The following SCLT1 variants were observed in gnomAD, a reference collection of about 807,000 sequenced individuals.
SCLT1 encodes the protein sodium channel-associated protein 1.
A neutral mutation model predicts 112.8 loss-of-function variants in SCLT1; 78 were observed. That is an observed-to-expected ratio of 0.69 (90% CI 0.58 to 0.83). The LOEUF is 0.83. SCLT1 is among the 40% of genes least tolerant of loss of function. The pLI is 0.00. For synonymous variants in SCLT1, 257 were observed against 254.7 expected (o/e 1.01, Z -0.09); for missense variants, 747 against 770.4 (o/e 0.97, Z 0.36).
chr4:129,036,402 T>C (rs1747184486), intron 5 of SCLT1, among the ~76,000 whole-genome samples: 1 of 152,072 alleles, frequency 6.6e-6, no homozygotes, highest in South Asian at 2.1e-4. Context: ...ACCTTGTCTA[T>C]TCTCAGCACA....
intron 8 of SCLT1, among the ~76,000 whole-genome samples, chr4:128,993,113 C>T (rs280601): frequency 0.53 from 80,349 of 151,710 alleles, 24,348 homozygotes; most frequent in South Asian, 0.68. Flanking sequence ...AACATACTAT[C>T]GTATTTTCCT....
At chr4:129,062,893 C>A (rs528715707) in intron 2 of SCLT1, among the ~76,000 whole-genome samples, 1 of 152,132 alleles carries the variant, frequency 6.6e-6, no homozygotes, top group African/African-American at 2.4e-5. Flanking sequence ...TGTTTGGGAA[C>A]CCTTGGGTCT....
chr4:128,920,135 G>A (rs1735772437), intron 18 of SCLT1, among the ~76,000 whole-genome samples: 2 of 152,130 alleles, frequency 1.3e-5, no homozygotes, highest in Admixed American at 6.5e-5. Flanking sequence ...GATCATAGAT[G>A]CAAAAGTCCT....
At chr4:129,019,008 T>C (rs544627023) in intron 5 of SCLT1, among the ~76,000 whole-genome samples, 28 of 152,324 alleles carry the variant, frequency 1.8e-4, no homozygotes, top group Middle Eastern at 3.4e-3. Flanking sequence ...ATAGCTATGC[T>C]TTTATAGTTA....
At chr4:128,878,336 A>G (rs1410397532) in intron 3 of SCLT1, among the ~76,000 whole-genome samples, 1 of 152,150 alleles carries the variant, frequency 6.6e-6, no homozygotes, top group East Asian at 1.9e-4. Flanking sequence ...GGTTAATGTG[A>G]TTATTTTACT....
intron 2 of SCLT1, among the ~76,000 whole-genome samples, chr4:129,067,270 A>G (rs958907092): frequency 6.6e-6 from 1 of 152,016 alleles, no homozygotes; most frequent in African/African-American, 2.4e-5. Flanking sequence ...GGCTAACCCA[A>G]TGTATATATT....
intron 18 of SCLT1, among the ~76,000 whole-genome samples, chr4:128,921,054 C>T (rs1389590579): frequency 1.3e-5 from 2 of 152,026 alleles, no homozygotes; most frequent in African/African-American, 2.4e-5. Flanking sequence ...ATCCCATTCA[C>T]AAAAGCCACA....
chr4:129,070,024 CTGTTTT>C (rs1443481447), intron 2 of SCLT1, among the ~76,000 whole-genome samples: 4 of 151,986 alleles, frequency 2.6e-5, no homozygotes, highest in Non-Finnish European at 2.9e-5. Context: ...TGTGATTCTT[CTGTTTT>C]TAATTCTGTT....
At chr4:128,960,776 C>T (rs998039904) in intron 11 of SCLT1, among the ~76,000 whole-genome samples, 7 of 150,542 alleles carry the variant, frequency 4.6e-5, no homozygotes, top group African/African-American at 7.3e-5. Context: ...AAAAATTAGC[C>T]GGGCTCGGTG....
At chr4:128,935,104 T>C (rs1227547240) in intron 18 of SCLT1, among the ~76,000 whole-genome samples, 2 of 152,042 alleles carry the variant, frequency 1.3e-5, no homozygotes, top group African/African-American at 4.8e-5. Flanking sequence ...GTTAATGTTG[T>C]AAATTATATT....
At chr4:128,921,661 A>C (rs1735892055) in intron 18 of SCLT1, among the ~76,000 whole-genome samples, 1 of 152,184 alleles carries the variant, frequency 6.6e-6, no homozygotes, top group East Asian at 1.9e-4. Flanking sequence ...GTTGATTAGA[A>C]AATTAAATGT....
At chr4:129,079,012 G>T (rs1429026087) in intron 2 of SCLT1, among the ~76,000 whole-genome samples, 1 of 152,106 alleles carries the variant, frequency 6.6e-6, no homozygotes, top group Non-Finnish European at 1.5e-5. Flanking sequence ...TAAGCAAGCA[G>T]ATTTCATGAG....
At chr4:129,009,627 ATC>A (rs1744345959) in intron 5 of SCLT1, among the ~76,000 whole-genome samples, 1 of 151,998 alleles carries the variant, frequency 6.6e-6, no homozygotes, top group South Asian at 2.1e-4. Flanking sequence ...CCATAACAGC[ATC>A]TGTTATTTTT....
intron 18 of SCLT1, among the ~76,000 whole-genome samples, chr4:128,897,397 C>T (rs1579311010): frequency 6.6e-6 from 1 of 151,784 alleles, no homozygotes; most frequent in African/African-American, 2.4e-5. Flanking sequence ...GAATTTTCAA[C>T]CCAGAATTTC....
intron 4 of SCLT1, among the ~76,000 whole-genome samples, chr4:129,041,075 A>G (rs1434093991): frequency 6.6e-6 from 1 of 152,246 alleles, no homozygotes; most frequent in East Asian, 1.9e-4. Context: ...TAGCTATCCT[A>G]TAACAACCAA....
Position 129,012,547 on chromosome 4 carries a change from T to A in SCLT1, c.291-8671A>T, listed in dbSNP as rs188562431. On this transcript the variant is annotated intron_variant, in intron 5 of 20. Transcript: ENST00000281142. The stretch of plus-strand genomic sequence containing the variant: ...TGTCTCTCAGGTCCATTTGATCCAC[T>A]GTTGGGTTCAGGTCCTGAATATCTT... 1.6e-4 allele frequency among the ~76,000 whole-genome samples: 24 copies of A among 152,254 alleles called. No individual in the cohort carries two copies. In the East Asian group the frequency reaches 3.9e-3, roughly 24 times the overall value.
chr4:128,994,810 G>A (rs1282064218), intron 8 of SCLT1, among the ~76,000 whole-genome samples: 3 of 152,050 alleles, frequency 2.0e-5, no homozygotes, highest in African/African-American at 7.2e-5. Context: ...CATTGCCTTG[G>A]AAAAATACCT....
intron 2 of SCLT1, among the ~76,000 whole-genome samples, chr4:129,053,556 G>GTTT (rs1749035905): frequency 1.4e-3 from 45 of 32,420 alleles, no homozygotes; most frequent in African/African-American, 4.9e-3. Flanking sequence ...TGCAATCCCT[G>GTTT]ATTTTTTTTT....
downstream of SCLT1, among the ~76,000 whole-genome samples, chr4:128,879,892 C>G (rs989841878): frequency 6.6e-6 from 1 of 152,096 alleles, no homozygotes; most frequent in Admixed American, 6.5e-5. Flanking sequence ...ATATTATGCT[C>G]TGATAACTTT....
Sources: allele counts gnomAD v4.1 joint callset (sites outside exome capture counted in the v4.1 genomes callset), GRCh38; gene constraint gnomAD v4.1.1; transcripts MANE v1.5; gene names NCBI Gene and HGNC (gene_info 2026-07-23, HGNC 2026-07-21).